Variants in KYAT1 observed in about 807,000 individuals in gnomAD.
KYAT1 encodes the protein kynurenine aminotransferase 1, also known as kynurenine--oxoglutarate transaminase 1.
KYAT1 carries 47 observed loss-of-function variants against 52.4 expected under a neutral mutation model. That is an observed-to-expected ratio of 0.90 (90% CI 0.71 to 1.14). The LOEUF (loss-of-function observed/expected upper bound fraction) is 1.14, where lower values mean the gene tolerates loss of function less well. Ranked by LOEUF, KYAT1 falls within the 50% of genes most tolerant of loss-of-function variation. The pLI, the probability that KYAT1 is intolerant of heterozygous loss-of-function variation, is 0.00. For synonymous variants in KYAT1, 212 were observed against 209.6 expected (o/e 1.01, Z -0.10); for missense variants, 480 against 557.9 (o/e 0.86, Z 1.41).
At position 128,835,313 on chromosome 9, in the gene KYAT1, C is replaced by A; in HGVS notation, c.1122+10G>T. 6.2e-7 allele frequency: 1 copy of A among 1,612,088 alleles called. No homozygotes were observed. Among genetic ancestry groups the A allele is most frequent in the South Asian group, 1.1e-5 (1 of 91,054 alleles). On this transcript the variant is annotated intron_variant, in intron 11 of 12. Coordinates refer to ENST00000302586, the MANE Select transcript of KYAT1 (RefSeq NM_004059.5). ...ACCATACATGGCTGCCTGGCAGAGG[C>A]CCAGCCCACCTTGTTCTTGATCATC...
chr9:128,848,342 TA>T (rs1833428453), intron 1 of KYAT1, among the ~76,000 whole-genome samples: 1 of 114,044 alleles, frequency 8.8e-6, no homozygotes, highest in East Asian at 2.6e-4. Flanking sequence ...AAAAAAAAAG[TA>T]AATGCCTGAA....
intron 2 of KYAT1, among the ~76,000 whole-genome samples, chr9:128,844,813 G>A (rs1011942469): frequency 1.4e-4 from 21 of 152,310 alleles, no homozygotes; most frequent in Admixed American, 1.3e-3. Flanking sequence ...GCAGTGAGCC[G>A]AGACCGCACC....
chr9:128,856,275 C>T (rs557475043), intron 1 of KYAT1, among the ~76,000 whole-genome samples: 2 of 152,236 alleles, frequency 1.3e-5, no homozygotes, highest in Admixed American at 6.5e-5. Flanking sequence ...AAATCTTAAC[C>T]CCATCACTTG....
intron 12 of KYAT1, 34 bp from the exon 13 acceptor site, chr9:128,833,677 C>T: frequency 1.2e-6 from 2 of 1,614,128 alleles, no homozygotes; most frequent in Non-Finnish European, 1.7e-6. Flanking sequence ...ACACTCTCCC[C>T]ATGTGCCCAG....
intron 1 of KYAT1, among the ~76,000 whole-genome samples, chr9:128,847,092 G>A (rs1833219722): frequency 6.6e-6 from 1 of 152,168 alleles, no homozygotes; most frequent in East Asian, 1.9e-4. Flanking sequence ...GAGGGGCCTT[G>A]GGACCATTTG....
chr9:128,882,483 G>C, upstream of KYAT1: 1 of 383,680 alleles, frequency 2.6e-6, no homozygotes, highest in Admixed American at 4.5e-5. Context: ...CCCCCTCCCA[G>C]GCACCCCTGT....
chr9:128,842,125 CA>C, intron 3 of KYAT1: 1 of 361,470 alleles, frequency 2.8e-6, no homozygotes, highest in Non-Finnish European at 5.7e-6. Context: ...CTGGCAGGGT[CA>C]AGGCTGCAGT....
intron 1 of KYAT1, among the ~76,000 whole-genome samples, chr9:128,862,280 T>C (rs1281286889): frequency 1.3e-5 from 2 of 152,168 alleles, no homozygotes; most frequent in African/African-American, 4.8e-5. Flanking sequence ...GGATTACAAA[T>C]GTGAGCCACT....
At chr9:128,849,199 G>T (rs1833560167) in intron 1 of KYAT1, among the ~76,000 whole-genome samples, 1 of 150,844 alleles carries the variant, frequency 6.6e-6, no homozygotes, top group African/African-American at 2.4e-5. Context: ...ATCACCTGAG[G>T]TCAGGAGTTC....
intron 3 of KYAT1, among the ~76,000 whole-genome samples, chr9:128,838,936 T>TTTTATTTA (rs71497421): frequency 0.24 from 34,159 of 143,400 alleles, 5,153 homozygotes; most frequent in African/African-American, 0.41. Context: ...CGGGAGAGGC[T>TTTTATTTA]TTTATTTATT....
intron 1 of KYAT1, among the ~76,000 whole-genome samples, chr9:128,862,258 G>A (rs1252037224): frequency 2.0e-5 from 3 of 152,140 alleles, no homozygotes; most frequent in Non-Finnish European, 4.4e-5. Flanking sequence ...CTGCCGCAGC[G>A]TCCCAGTGCT....
rs1830920947 is a variant in KYAT1, at chr9:128,835,604, C to G, written c.919G>C (p.Val307Leu). 2 of 1,612,782 alleles carry G rather than the reference C, an allele frequency of 1.2e-6. No individual in the cohort carries two copies. Among genetic ancestry groups the G allele is most frequent in the Admixed American group, 1.7e-5 (1 of 60,006 alleles). ...CGCTGCATGGCCTGCGGGAACTGCA[C>G]AAAGTAGCTGCTGGGTTGGCGGAAG... Reference protein sequence around the residue: ...LLFRQPSSYFVQFPQAMQRCR... With the variant: ...LLFRQPSSYFLQFPQAMQRCR... Residue 307 changes from valine to leucine, a missense_variant, in exon 10 of 13, where the codon GTG becomes CTG. Coordinates refer to ENST00000302586, the MANE Select transcript of KYAT1 (RefSeq NM_004059.5).
chr9:128,870,405 T>C (rs1837070965), intron 1 of KYAT1, among the ~76,000 whole-genome samples: 1 of 152,202 alleles, frequency 6.6e-6, no homozygotes, highest in African/African-American at 2.4e-5. Flanking sequence ...CTCTGCACTT[T>C]GGAAGGCTGA....
upstream of KYAT1, chr9:128,882,144 T>C (rs768086631): frequency 2.0e-5 from 3 of 152,018 alleles, no homozygotes; most frequent in African/African-American, 7.3e-5. Context: ...AGTGGTGCAG[T>C]GAGGGACAAA....
At chr9:128,843,356 CA>C (rs1490437862) in intron 2 of KYAT1, among the ~76,000 whole-genome samples, 1 of 151,776 alleles carries the variant, frequency 6.6e-6, no homozygotes, top group African/African-American at 2.4e-5. Flanking sequence ...CAAGTTCTTC[CA>C]CCATGACCCA....
chr9:128,850,364 C>G (rs1473082244), intron 1 of KYAT1, among the ~76,000 whole-genome samples: 1 of 152,090 alleles, frequency 6.6e-6, no homozygotes, highest in Non-Finnish European at 1.5e-5. Context: ...GTAACTTTGC[C>G]CCAGCCACTT....
At chr9:128,839,018 C>T (rs1831656369) in intron 3 of KYAT1, among the ~76,000 whole-genome samples, 1 of 151,820 alleles carries the variant, frequency 6.6e-6, no homozygotes, top group African/African-American at 2.4e-5. Flanking sequence ...GGCTGGAGTG[C>T]AGTGGCACAA....
chr9:128,871,090 G>A (rs931104355), intron 1 of KYAT1, among the ~76,000 whole-genome samples: 2 of 152,174 alleles, frequency 1.3e-5, no homozygotes, highest in Admixed American at 6.6e-5. Flanking sequence ...GCAAAGGCGG[G>A]TAGATTGCTT....
Position 128,836,079 on chromosome 9 carries a change from C to T in KYAT1, c.689-6G>A, listed in dbSNP as rs773243194. ...CCACATGCCAGGGAGGCTGGCTGCC[C>T]AAGGCCGAACAGAACAGCTGCTGAG... On this transcript the variant is annotated splice_polypyrimidine_tract_variant and splice_region_variant and intron_variant, in intron 7 of 12. Transcript: ENST00000302586. The T allele has an allele frequency of 1.9e-6, 3 of 1,613,364 alleles. No homozygotes were observed. The highest frequency in any genetic ancestry group is 2.5e-6 in the Non-Finnish European group (3 of 1,179,530).
Sources: allele counts gnomAD v4.1 joint callset (sites outside exome capture counted in the v4.1 genomes callset), GRCh38; gene constraint gnomAD v4.1.1; transcripts MANE v1.5; gene names NCBI Gene and HGNC (gene_info 2026-07-23, HGNC 2026-07-21).